BBS9: variants seen among roughly 807,000 people sequenced by gnomAD.
The protein encoded by BBS9 is protein PTHB1.
A neutral mutation model predicts 117.7 loss-of-function variants in BBS9; 89 were observed. The ratio of observed to expected loss-of-function variants is 0.76; its 90% CI spans 0.64 to 0.90. The LOEUF (loss-of-function observed/expected upper bound fraction) is 0.90, where lower values mean the gene tolerates loss of function less well. BBS9 is among the 40% of genes least tolerant of loss of function. BBS9 has a pLI of 0.00. For synonymous variants in BBS9, 379 were observed against 370.9 expected (o/e 1.02, Z -0.25); for missense variants, 982 against 1,042.2 (o/e 0.94, Z 0.80).
intron 16 of BBS9, among the ~76,000 whole-genome samples, chr7:33,364,970 G>A (rs1290484102): frequency 6.6e-6 from 1 of 151,644 alleles, no homozygotes; most frequent in African/African-American, 2.4e-5. Flanking sequence ...CTCAAATGAT[G>A]TGCCTGCCTC....
intron 9 of BBS9, 148 bp from the exon 10 acceptor site, chr7:33,336,293 A>G (rs1815340760): frequency 1.6e-6 from 1 of 644,168 alleles, no homozygotes; most frequent in Non-Finnish European, 2.7e-6. Flanking sequence ...AAACATTTGA[A>G]TTGAGTCTTT....
At chr7:33,247,186 T>C (rs1795474211) in intron 5 of BBS9, among the ~76,000 whole-genome samples, 2 of 152,220 alleles carry the variant, frequency 1.3e-5, no homozygotes, top group Admixed American at 6.5e-5. Flanking sequence ...GTTTGGTCTA[T>C]AAGGAATAGA....
chr7:33,541,766 A>G (rs1341777794), intron 21 of BBS9, among the ~76,000 whole-genome samples: 1 of 152,194 alleles, frequency 6.6e-6, no homozygotes, highest in African/African-American at 2.4e-5. Context: ...AGGCGACAGA[A>G]AGTATGTTAG....
intron 17 of BBS9, among the ~76,000 whole-genome samples, chr7:33,381,859 G>T (rs1179207570): frequency 6.6e-6 from 1 of 152,086 alleles, no homozygotes; most frequent in Non-Finnish European, 1.5e-5. Context: ...ATTGTGAAAG[G>T]GAATGACTAG....
intron 19 of BBS9, among the ~76,000 whole-genome samples, chr7:33,475,320 T>C (rs1841653506): frequency 6.6e-6 from 1 of 152,220 alleles, no homozygotes; most frequent in African/African-American, 2.4e-5. Context: ...CCTGGAACCT[T>C]AGACCAGTAA....
At chr7:33,256,491 T>C (rs1797103317) in intron 5 of BBS9, among the ~76,000 whole-genome samples, 1 of 150,958 alleles carries the variant, frequency 6.6e-6, no homozygotes, top group African/African-American at 2.4e-5. Flanking sequence ...TCTTTTTTTC[T>C]TTTTTTTTAG....
chr7:33,362,152 C>T (rs1820740173), intron 16 of BBS9, among the ~76,000 whole-genome samples: 1 of 152,052 alleles, frequency 6.6e-6, no homozygotes, highest in South Asian at 2.1e-4. Context: ...TGTTCTTTTT[C>T]ATTTGTCTTC....
chr7:33,165,294 ACAATTATGTGT>A (rs1445943407), intron 4 of BBS9, among the ~76,000 whole-genome samples: 1 of 151,986 alleles, frequency 6.6e-6, no homozygotes, highest in Non-Finnish European at 1.5e-5. Flanking sequence ...GGTGAATCTG[ACAATTATGTGT>A]CTTGGGTTTG....
intron 5 of BBS9, among the ~76,000 whole-genome samples, chr7:33,185,256 C>T (rs1798656575): frequency 6.6e-6 from 1 of 152,024 alleles, no homozygotes; most frequent in African/African-American, 2.4e-5. Flanking sequence ...CTTGGAATGT[C>T]TAACCTTCTG....
intron 9 of BBS9, among the ~76,000 whole-genome samples, chr7:33,280,185 C>T (rs1029689408): frequency 1.3e-5 from 2 of 152,086 alleles, no homozygotes; most frequent in Non-Finnish European, 2.9e-5. Context: ...TTTTTTTAAA[C>T]ATTTATTTTA....
chr7:33,489,867 G>C (rs1373163239), intron 19 of BBS9, among the ~76,000 whole-genome samples: 1 of 152,158 alleles, frequency 6.6e-6, no homozygotes, highest in African/African-American at 2.4e-5. Context: ...CGGATGGTTT[G>C]TGTGATACTT....
chr7:33,184,797 ATAGAG>A (rs1798592894), intron 5 of BBS9, among the ~76,000 whole-genome samples: 1 of 152,240 alleles, frequency 6.6e-6, no homozygotes, highest in Non-Finnish European at 1.5e-5. Flanking sequence ...GGGCAAGTTC[ATAGAG>A]TAAAGTGACA....
intron 19 of BBS9, among the ~76,000 whole-genome samples, chr7:33,478,931 A>G (rs1842161503): frequency 6.7e-6 from 1 of 149,526 alleles, no homozygotes; most frequent in African/African-American, 2.5e-5. Context: ...TTCCTTGAAC[A>G]CAATTTATAT....
At position 33,604,859 on chromosome 7, in the gene BBS9, A is replaced by G. The variant is rs767152763; in HGVS notation, c.2522-6A>G. The G allele has an allele frequency of 6.3e-7, 1 of 1,591,256 alleles. No homozygotes were observed. Among genetic ancestry groups the G allele is most frequent in the South Asian group, 1.1e-5 (1 of 90,456 alleles). On this transcript the variant is annotated splice_region_variant and splice_polypyrimidine_tract_variant and intron_variant, in intron 21 of 22. Transcript: ENST00000242067. ...GCTTAAAATATTGTTTGTATTTTTCAACTAGGTGGTTGTACTACAATCCCA... is the reference window on the plus strand; with the variant it reads ...GCTTAAAATATTGTTTGTATTTTTCGACTAGGTGGTTGTACTACAATCCCA...
At chr7:33,411,011 GTTTTTTT>G (rs765425062) in intron 19 of BBS9, among the ~76,000 whole-genome samples, 54 of 96,432 alleles carry the variant, frequency 5.6e-4, no homozygotes, top group African/African-American at 1.7e-3. Context: ...AAATGTTGGT[GTTTTTTT>G]TTTTTTTTTT....
At chr7:33,344,237 G>A (rs1350220722) in intron 11 of BBS9, among the ~76,000 whole-genome samples, 1 of 150,868 alleles carries the variant, frequency 6.6e-6, no homozygotes, top group Non-Finnish European at 1.5e-5. Context: ...GCCCGCCACC[G>A]GGCCCGGCTA....
intron 19 of BBS9, among the ~76,000 whole-genome samples, chr7:33,432,275 ATTT>A (rs554909955): frequency 1.4e-5 from 2 of 141,836 alleles, no homozygotes; most frequent in Non-Finnish European, 1.5e-5. Flanking sequence ...TGCCCGGCTA[ATTT>A]TTTTTTTTTT....
chr7:33,259,051 A>C (rs1169926968), intron 6 of BBS9, among the ~76,000 whole-genome samples: 3 of 152,204 alleles, frequency 2.0e-5, no homozygotes, highest in Non-Finnish European at 4.4e-5. Flanking sequence ...TACAACATTA[A>C]GTCGTATGTT....
At chr7:33,270,259 A>G (rs1425987869) in intron 7 of BBS9, among the ~76,000 whole-genome samples, 1 of 151,970 alleles carries the variant, frequency 6.6e-6, no homozygotes, top group African/African-American at 2.4e-5. Flanking sequence ...CACACAGATG[A>G]AAAAAAACCA....
Sources: gnomAD v4.1 joint callset for allele counts (sites outside exome capture counted in the v4.1 genomes callset) on GRCh38, gnomAD v4.1.1 for gene constraint, MANE v1.5 for transcripts, NCBI Gene and HGNC (gene_info 2026-07-23, HGNC 2026-07-21) for gene names.